Variants in CSMD3 observed in about 807,000 individuals in gnomAD.
CSMD3 encodes CUB and sushi domain-containing protein 3.
CSMD3 carries 177 observed loss-of-function variants against 435.2 expected under a neutral mutation model. The observed-to-expected ratio is 0.41, with a 90% CI of 0.36 to 0.46. The LOEUF (loss-of-function observed/expected upper bound fraction) is 0.46, where lower values mean the gene tolerates loss of function less well. CSMD3 is among the 20% of genes least tolerant of loss of function. The pLI is 0.34. For missense variants in CSMD3, 4,265 were observed against 4,504.6 expected, an observed-to-expected ratio of 0.95 and a Z score of 1.52; for synonymous variants, 1,656 against 1,520.5, an observed-to-expected ratio of 1.09 and a Z score of -2.07.
chr8:112,818,034 T>C (rs1183857912), intron 12 of CSMD3, among the ~76,000 whole-genome samples: 1 of 151,848 alleles, frequency 6.6e-6, no homozygotes, highest in African/African-American at 2.4e-5. Context: ...TTATGCTTTG[T>C]AACTGATTTT....
intron 22 of CSMD3, among the ~76,000 whole-genome samples, chr8:112,591,102 T>C (rs1339040822): frequency 6.6e-6 from 1 of 152,132 alleles, no homozygotes; most frequent in Non-Finnish European, 1.5e-5. Context: ...GTGCTCTTTT[T>C]AGCATATAAA....
intron 32 of CSMD3, among the ~76,000 whole-genome samples, chr8:112,454,013 CA>C (rs1816567831): frequency 6.6e-6 from 1 of 152,062 alleles, no homozygotes; most frequent in African/African-American, 2.4e-5. Context: ...ATTCTCTAAT[CA>C]ATAATTGGTG....
intron 6 of CSMD3, among the ~76,000 whole-genome samples, chr8:113,010,912 C>T (rs1323211772): frequency 6.6e-6 from 1 of 151,532 alleles, no homozygotes; most frequent in Non-Finnish European, 1.5e-5. Flanking sequence ...CTCTAATCTT[C>T]AAAATCCTAA....
intron 5 of CSMD3, among the ~76,000 whole-genome samples, chr8:113,063,145 G>C (rs1587994470): frequency 6.7e-6 from 1 of 150,104 alleles, no homozygotes; most frequent in South Asian, 2.1e-4. Flanking sequence ...CATTTTACTG[G>C]TAAAGCATCC....
intron 3 of CSMD3, among the ~76,000 whole-genome samples, chr8:113,221,623 G>A (rs1042319772): frequency 1.3e-5 from 2 of 151,192 alleles, no homozygotes; most frequent in Non-Finnish European, 3.0e-5. Flanking sequence ...ATTCTACCAT[G>A]CAGGTCTCCT....
At chr8:112,982,557 C>G (rs193217372) in intron 6 of CSMD3, among the ~76,000 whole-genome samples, 1 of 151,902 alleles carries the variant, frequency 6.6e-6, no homozygotes, top group Non-Finnish European at 1.5e-5. Context: ...TTCATTTCCA[C>G]GTAAAATCTT....
intron 13 of CSMD3, among the ~76,000 whole-genome samples, chr8:112,794,341 T>C (rs1198514755): frequency 1.4e-5 from 2 of 144,372 alleles, no homozygotes; most frequent in Non-Finnish European, 3.0e-5. Context: ...TAGCCCAGGT[T>C]AGAGGGCAGC....
intron 22 of CSMD3, among the ~76,000 whole-genome samples, chr8:112,616,120 CTT>C (rs750047799): frequency 1.3e-5 from 2 of 152,132 alleles, no homozygotes; most frequent in East Asian, 1.9e-4. Context: ...ACCTATGTGA[CTT>C]TGGGCAAGTT....
At chr8:112,626,955 C>A (rs1029666025) in intron 22 of CSMD3, among the ~76,000 whole-genome samples, 6 of 152,070 alleles carry the variant, frequency 3.9e-5, no homozygotes, top group African/African-American at 1.4e-4. Flanking sequence ...CTTAACCTCC[C>A]TGTGTCTCAG....
intron 12 of CSMD3, among the ~76,000 whole-genome samples, chr8:112,809,967 T>C (rs537339631): frequency 2.6e-5 from 4 of 152,204 alleles, no homozygotes; most frequent in African/African-American, 9.6e-5. Flanking sequence ...CAAGAAACAA[T>C]TGAAACGCAG....
chr8:113,075,589 C>A (rs532707930), intron 5 of CSMD3, among the ~76,000 whole-genome samples: 2 of 151,762 alleles, frequency 1.3e-5, no homozygotes, highest in East Asian at 3.9e-4. Flanking sequence ...CTTAATGAGG[C>A]CTTGGCTAAT....
At chr8:112,620,440 T>G (rs976545349) in intron 22 of CSMD3, among the ~76,000 whole-genome samples, 5 of 152,106 alleles carry the variant, frequency 3.3e-5, no homozygotes, top group Non-Finnish European at 7.4e-5. Flanking sequence ...ACAAAATGAG[T>G]TCCCCATGGC....
rs188547183 is a variant in CSMD3, at chr8:112,243,203, A to G, written c.10402+1191T>C. On this transcript the variant is annotated intron_variant, in intron 65 of 70. Transcript: ENST00000297405. ...ATTACAAGCAAACAAACCAAAGAAT[A>G]AGATCTTCTCATACTACAGCGATTT... Among the ~76,000 whole-genome samples the G allele has an allele frequency of 2.6e-5, 4 of 151,798 alleles. No individual in the cohort carries two copies. In the East Asian group the frequency reaches 7.8e-4, roughly 30 times the overall value.
chr8:112,603,789 T>C (rs1260276410), intron 22 of CSMD3, among the ~76,000 whole-genome samples: 1 of 152,102 alleles, frequency 6.6e-6, no homozygotes, highest in Non-Finnish European at 1.5e-5. Flanking sequence ...AATATATTTA[T>C]CCAAAAAAAT....
intron 31 of CSMD3, among the ~76,000 whole-genome samples, chr8:112,485,517 C>T (rs1188237376): frequency 1.3e-5 from 2 of 151,950 alleles, no homozygotes; most frequent in African/African-American, 4.8e-5. Flanking sequence ...TTTCACACCC[C>T]CAAAAAATTT....
chr8:112,583,215 T>G (rs772629516), intron 23 of CSMD3, among the ~76,000 whole-genome samples: 7 of 152,044 alleles, frequency 4.6e-5, no homozygotes, highest in Non-Finnish European at 1.0e-4. Flanking sequence ...GAAGCAAGAA[T>G]GAACTCTACT....
At chr8:113,174,423 G>A (rs549193867) in intron 3 of CSMD3, among the ~76,000 whole-genome samples, 1 of 152,150 alleles carries the variant, frequency 6.6e-6, no homozygotes, top group African/African-American at 2.4e-5. Flanking sequence ...GTTAGGGACG[G>A]TGAGCTAGAA....
Position 112,492,296 on chromosome 8 carries a change from A to G in CSMD3, c.5278+193T>C, listed in dbSNP as rs528794786. On this transcript the variant is annotated intron_variant, in intron 31 of 70. Coordinates refer to ENST00000297405, the MANE Select transcript of CSMD3 (RefSeq NM_198123.2). ...ACATATTGCTTTAGAGACACCTGGGAATATAAGCACTTTTCCAAAACCAGG... is the reference window on the plus strand; with the variant it reads ...ACATATTGCTTTAGAGACACCTGGGGATATAAGCACTTTTCCAAAACCAGG... 2.2e-4 allele frequency among the ~76,000 whole-genome samples: 34 copies of G among 152,254 alleles called. No individual in the cohort carries two copies. The East Asian group carries it at 6.0e-3, about 27-fold the overall frequency.
At chr8:113,402,189 A>G (rs1464315180) in intron 1 of CSMD3, among the ~76,000 whole-genome samples, 1 of 150,406 alleles carries the variant, frequency 6.6e-6, no homozygotes, top group Admixed American at 6.6e-5. Flanking sequence ...TAAATTTTTT[A>G]TCTTTTATCT....
Sources: allele counts gnomAD v4.1 joint callset (sites outside exome capture counted in the v4.1 genomes callset), GRCh38; gene constraint gnomAD v4.1.1; transcripts MANE v1.5; gene names NCBI Gene and HGNC (gene_info 2026-07-23, HGNC 2026-07-21).